FMNL3: variants seen among roughly 807,000 people sequenced by gnomAD.
FMNL3 encodes the protein formin-like protein 3.
A neutral mutation model predicts 119.6 loss-of-function variants in FMNL3; 57 were observed. The ratio of observed to expected loss-of-function variants is 0.48; its 90% CI spans 0.39 to 0.59. FMNL3 has a LOEUF of 0.59. Among genes scored for constraint, FMNL3 ranks in the 20% least tolerant of loss-of-function variants. FMNL3 has a pLI of 0.00. For synonymous variants in FMNL3, 491 were observed against 507.3 expected (o/e 0.97, Z 0.43); for missense variants, 1,053 against 1,323.5 (o/e 0.80, Z 3.17).
intron 6 of FMNL3, 41 bp downstream of exon 6, chr12:49,658,401 G>A: frequency 6.4e-7 from 1 of 1,552,236 alleles, no homozygotes; most frequent in South Asian, 1.2e-5. Flanking sequence ...GCACTGAAGG[G>A]TAGGGTGGGA....
At chr12:49,699,199 G>A (rs1323452589) in intron 1 of FMNL3, among the ~76,000 whole-genome samples, 2 of 152,140 alleles carry the variant, frequency 1.3e-5, no homozygotes, top group East Asian at 1.9e-4. Context: ...CAGATGACAC[G>A]CTGACTTCAG....
intron 1 of FMNL3, among the ~76,000 whole-genome samples, chr12:49,688,867 G>A (rs1324760318): frequency 6.6e-6 from 1 of 152,178 alleles, no homozygotes; most frequent in Non-Finnish European, 1.5e-5. Context: ...CTGTTACTAT[G>A]AAATGAGATA....
At chr12:49,668,792 A>G (rs560207238) in intron 1 of FMNL3, among the ~76,000 whole-genome samples, 1 of 152,214 alleles carries the variant, frequency 6.6e-6, no homozygotes, top group South Asian at 2.1e-4. Context: ...AATTAACTCT[A>G]TTTTAAATGA....
In FMNL3 at chr12:49,652,120, C is replaced by T. The variant is rs1351671108; in HGVS notation, c.1416G>A (p.Glu472=). 2.5e-6 allele frequency: 4 copies of T among 1,613,078 alleles called. No homozygotes were observed. ...EEAFQRRCHL[E]PNVRGLESVD... ...CAGACTCCAGGCCCCGGACATTTGG[C>T]TCCAAATGACATCGACGCTGAAAGG... Residue 472 remains glutamate, a synonymous_variant, in exon 14 of 26, where the codon GAG becomes GAA. Transcript: ENST00000335154.
At chr12:49,664,713 C>T (rs1943838805) in intron 4 of FMNL3, among the ~76,000 whole-genome samples, 1 of 152,342 alleles carries the variant, frequency 6.6e-6, no homozygotes, top group East Asian at 1.9e-4. Context: ...AGCACAGTTA[C>T]TGAGGCCAGG....
rs1943129546 is a variant in FMNL3 at position 49,645,173 on chromosome 12, C to T, written c.*642G>A. ...GGTGAAGAGTTGGCACACCCTTTCT[C>T]CAGCCATCTGCAGAGAGTGGTTGGT... On this transcript the variant is annotated 3_prime_UTR_variant, in exon 26 of 26. Transcript: ENST00000335154. 6.6e-6 allele frequency: 1 copy of T among 151,174 alleles called. No homozygotes were observed. Among genetic ancestry groups the T allele is most frequent in the African/African-American group, 2.4e-5 (1 of 40,910 alleles). 9.4% of individuals were successfully genotyped at this position (151,174 alleles called of 1,614,324 possible).
At position 49,649,599 on chromosome 12, in the gene FMNL3, G is replaced by A; in HGVS notation, c.2236-61C>T. 1.2e-6 allele frequency: 2 copies of A among 1,611,854 alleles called. No individual in the cohort carries two copies. The highest frequency in any genetic ancestry group is 2.2e-5 in the East Asian group (1 of 44,870). On this transcript the variant is annotated intron_variant, in intron 18 of 25. Coordinates refer to ENST00000335154, the MANE Select transcript of FMNL3 (RefSeq NM_175736.5). The surrounding 1 kb of genome is among the most constrained non-coding windows in gnomAD (Gnocchi z 5.6). ...CTGAGATGGGGTAAAGACAGGGAGG[G>A]GTCAGAAGGACTGGAAGGGCAGGGG...
In FMNL3 at chr12:49,648,273, C is replaced by T; in HGVS notation, c.2596G>A (p.Asp866Asn). 6.2e-7 allele frequency: 1 copy of T among 1,614,040 alleles called. No individual in the cohort carries two copies. Among genetic ancestry groups the T allele is most frequent in the African/African-American group, 1.3e-5 (1 of 74,994 alleles). ...AGGAAGTTCCGGAGGACGCTGTTGTCATGGATGCTGCACTCACGCCGAATC... is the reference window on the plus strand; with the variant it reads ...AGGAAGTTCCGGAGGACGCTGTTGTTATGGATGCTGCACTCACGCCGAATC... ...ELIRRECSIH[D>N]NSVLRNFLST... The change falls in exon 22 of 26, where the codon GAC becomes AAC. Residue 866 changes from aspartate to asparagine, a missense_variant. Asp to Asn is a conservative substitution (Grantham distance 23). Around this residue, in one of 4 missense-constraint regions of FMNL3, gnomAD observed 324 missense variants for 380.9 expected, o/e 0.85. Coordinates refer to ENST00000335154, the MANE Select transcript of FMNL3 (RefSeq NM_175736.5).
rs775966493 is a variant in FMNL3 at position 49,643,268 on chromosome 12, C to T, written c.*2547G>A. 3.9e-5 allele frequency: 63 copies of T among 1,613,918 alleles called. No homozygotes were observed. The highest frequency in any genetic ancestry group is 4.8e-5 in the Non-Finnish European group (57 of 1,180,008). The stretch of plus-strand genomic sequence containing the variant: ...GGAGCTGCCCCCACCATCTCTCCGG[C>T]CCCCCAAGCGGAGGAGGCGGAACCC... On this transcript the variant is annotated 3_prime_UTR_variant, in exon 26 of 26. Coordinates refer to ENST00000335154, the MANE Select transcript of FMNL3 (RefSeq NM_175736.5).
Position 49,651,428 on chromosome 12 carries a change from A to G in FMNL3, c.1626T>C (p.Pro542=). Residue 542 remains proline, a synonymous_variant, in exon 15 of 26, where the codon CCT becomes CCC. Transcript: ENST00000335154. The stretch of plus-strand genomic sequence containing the variant: ...CCACAGAGGGTGCAGCACCAGGGAG[A>G]GGTGGGGCTGGGGGACACTTGTCTG... ...PLPDKCPPAP[P]LPGAAPSVVL... 1 of 1,492,470 alleles carries G rather than the reference A, an allele frequency of 6.7e-7. No individual in the cohort carries two copies. Among genetic ancestry groups the G allele is most frequent in the Non-Finnish European group, 9.0e-7 (1 of 1,117,064 alleles). The allele number at this position is 1,492,470 out of a possible 1,614,324, so 92.5% of individuals were successfully genotyped here.
rs1356297784 is a variant in FMNL3, at chr12:49,640,485, A to G, written c.*5330T>C. On this transcript the variant is annotated 3_prime_UTR_variant, in exon 26 of 26. Transcript: ENST00000335154. ...AGAGGCACTGAGGACCAGATGAGTG[A>G]GGACAAAGAAGGCGGCCTTGGATTT... 3 of 152,282 alleles carry G rather than the reference A, an allele frequency of 2.0e-5. No individual in the cohort carries two copies. The highest frequency in any genetic ancestry group is 4.4e-5 in the Non-Finnish European group (3 of 68,084). The allele number at this position is 152,282 out of a possible 1,614,324, so 9.4% of individuals were successfully genotyped here.
At chr12:49,648,074 C>T in intron 22 of FMNL3, 119 bp downstream of exon 22, 2 of 1,291,748 alleles carry the variant, frequency 1.5e-6, no homozygotes, top group East Asian at 5.0e-5. Flanking sequence ...GCTCTCTCTC[C>T]CCTACATGTA....
chr12:49,646,723 G>C (rs1449799052), intron 25 of FMNL3, 163 bp downstream of exon 25: 1 of 1,555,696 alleles, frequency 6.4e-7, no homozygotes, highest in East Asian at 2.4e-5. Context: ...CCGCTTGGCA[G>C]TACGGGCCGT....
intron 1 of FMNL3, among the ~76,000 whole-genome samples, chr12:49,669,892 T>C (rs1234446610): frequency 1.3e-5 from 2 of 149,910 alleles, no homozygotes; most frequent in Admixed American, 6.6e-5. Flanking sequence ...CAAAAAAGAA[T>C]AAAGGCAGTC....
chr12:49,668,917 A>C lies in FMNL3; in HGVS notation c.127-363T>G, dbSNP rs146885031. Among the ~76,000 whole-genome samples the C allele has an allele frequency of 2.0e-3, 301 of 152,372 alleles. 2 individuals are homozygous for C. The highest frequency in any genetic ancestry group is 6.9e-3 in the African/African-American group (285 of 41,598). On this transcript the variant is annotated intron_variant, in intron 1 of 25. Coordinates refer to ENST00000335154, the MANE Select transcript of FMNL3 (RefSeq NM_175736.5). Reference sequence around the variant, plus strand: ...GTATATAAACAAATATGTCATATACATACATCATACCATAAAATGTGACGG... The same window carrying C: ...GTATATAAACAAATATGTCATATACCTACATCATACCATAAAATGTGACGG...
At position 49,643,705 on chromosome 12, in the gene FMNL3, A is replaced by G. The variant is rs776687956; in HGVS notation, c.*2110T>C. On this transcript the variant is annotated 3_prime_UTR_variant, in exon 26 of 26. Coordinates refer to ENST00000335154, the MANE Select transcript of FMNL3 (RefSeq NM_175736.5). ...TCTATCTCTAGATCATGGCCTTCGG[A>G]AAGCCAAGAAACCAAAAAAGAAAAC... The G allele has an allele frequency of 2.5e-6, 4 of 1,614,122 alleles. No homozygotes were observed. The Admixed American group carries it at 5.0e-5, about 20-fold the overall frequency.
chr12:49,643,580 TCCTCAGAGCATGAGGTTCCTG>T lies in FMNL3; in HGVS notation c.*2214_*2234del. 7.2e-7 allele frequency: 1 copy of T among 1,389,420 alleles called. No individual in the cohort carries two copies. The highest frequency in any genetic ancestry group is 1.9e-4 in the Middle Eastern group (1 of 5,404). The allele number at this position is 1,389,420 out of a possible 1,614,324, so 86.1% of individuals were successfully genotyped here. On this transcript the variant is annotated 3_prime_UTR_variant, in exon 26 of 26. Coordinates refer to ENST00000335154, the MANE Select transcript of FMNL3 (RefSeq NM_175736.5). ...GGAGAAGGAAAACTGGACTTAGACTTCCTCAGAGCATGAGGTTCCTGCCTGTGAAGAATGAACAGAGGGGCT... is the reference window on the plus strand; with the variant it reads ...GGAGAAGGAAAACTGGACTTAGACTTCCTGTGAAGAATGAACAGAGGGGCT...
intron 5 of FMNL3, 67 bp downstream of exon 5, chr12:49,661,899 T>A: frequency 1.4e-6 from 2 of 1,423,646 alleles, no homozygotes; most frequent in Non-Finnish European, 2.0e-6. Context: ...CCCTTCCTTA[T>A]CAAAGTAGAA....
chr12:49,661,406 A>C (rs1943728481), intron 5 of FMNL3, among the ~76,000 whole-genome samples: 1 of 152,102 alleles, frequency 6.6e-6, no homozygotes, highest in African/African-American at 2.4e-5. Context: ...CATTCCTTCC[A>C]CTATACCAGG....
Sources: allele counts gnomAD v4.1 joint callset (sites outside exome capture counted in the v4.1 genomes callset), GRCh38; gene constraint gnomAD v4.1.1; regional missense constraint gnomAD v4.1.1; non-coding constraint Gnocchi (gnomAD v3.1); transcripts MANE v1.5; gene names NCBI Gene and HGNC (gene_info 2026-07-23, HGNC 2026-07-21).